Variants in ZAP70 observed in about 807,000 individuals in gnomAD.
ZAP70 encodes zeta chain of T cell receptor associated protein kinase 70, also known as tyrosine-protein kinase ZAP-70.
In ZAP70, 27 loss-of-function variants were observed where a neutral mutation model predicts 65.8. The observed-to-expected ratio is 0.41, with a 90% CI of 0.30 to 0.57. The LOEUF (loss-of-function observed/expected upper bound fraction) is 0.57, where lower values mean the gene tolerates loss of function less well. Ranked by LOEUF, ZAP70 falls within the 20% of genes least tolerant of loss-of-function variation. The probability of loss-of-function intolerance (pLI) is 0.28; values close to 1 mark genes in which losing one functional copy is unlikely to be tolerated. For missense variants in ZAP70, 696 were observed against 870.5 expected (o/e 0.80, Z 2.52); for synonymous variants, 363 against 360.8 (o/e 1.01, Z -0.07).
chr2:97,750,269 C>T, the ZAP70 span, among the ~76,000 whole-genome samples: 1 of 152,204 alleles, frequency 6.6e-6, no homozygotes, highest in Non-Finnish European at 1.5e-5. Context: ...CTTGTTGCTC[C>T]CTGCAGCAAG....
chr2:97,734,769 T>C, intron 9 of ZAP70, 57 bp downstream of exon 9: 1 of 1,600,068 alleles, frequency 6.2e-7, no homozygotes, highest in South Asian at 1.1e-5. Flanking sequence ...GGGGAGTGGC[T>C]TCACCGGGCT....
At position 97,739,545 on chromosome 2, in the gene ZAP70, T is replaced by TCAGCCCCACCCC; in HGVS notation, c.*48_*59dup. 6.3e-7 allele frequency: 1 copy of TCAGCCCCACCCC among 1,590,784 alleles called. No homozygotes were observed. Among genetic ancestry groups the TCAGCCCCACCCC allele is most frequent in the Non-Finnish European group, 8.6e-7 (1 of 1,168,970 alleles). Reference sequence around the variant, plus strand: ...CCTCCACGCCGGCTCTTCCCCACCCTCAGCCCCACCCCAGGTCCTGCAGTC... The same window carrying TCAGCCCCACCCC: ...CCTCCACGCCGGCTCTTCCCCACCCTCAGCCCCACCCCCAGCCCCACCCCAGGTCCTGCAGTC... On this transcript the variant is annotated 3_prime_UTR_variant, in exon 14 of 14. Coordinates refer to ENST00000264972, the MANE Select transcript of ZAP70 (RefSeq NM_001079.4).
chr2:97,721,543 A>G (rs1240844293), intron 2 of ZAP70, among the ~76,000 whole-genome samples: 1 of 144,040 alleles, frequency 6.9e-6, no homozygotes, highest in Non-Finnish European at 1.5e-5. Context: ...CCTCCCGAGT[A>G]GCTGGGACTA....
At position 97,725,242 on chromosome 2, in the gene ZAP70, G is replaced by C. The variant is rs1481187788; in HGVS notation, c.553G>C (p.Gly185Arg). Residue 185 changes from glycine (G) to arginine (R), a missense_variant, in exon 4 of 14, where the codon GGC becomes CGC. By Grantham distance (125) the Gly-to-Arg change is moderately radical (BLOSUM62 -2). This residue lies in a region of ZAP70 where 551 missense variants were observed against 630.0 expected (regional missense o/e 0.87). Transcript: ENST00000264972. ...ACTTTACTCTGGGGCGCAGACCGAC[G>C]GCAAGTTCCTGTATGTGGGGCCCGG... ...RKLYSGAQTD[G>R]KFLLRPRKEQ... The C allele has an allele frequency of 6.2e-7, 1 of 1,613,184 alleles. No individual in the cohort carries two copies. Among genetic ancestry groups the C allele is most frequent in the Non-Finnish European group, 8.5e-7 (1 of 1,179,316 alleles).
chr2:97,736,642 G>A lies in ZAP70; in HGVS notation c.1290-831G>A, dbSNP rs535325299. Among the ~76,000 whole-genome samples, 5 of 152,338 alleles carry A rather than the reference G, an allele frequency of 3.3e-5. No homozygotes were observed. Among genetic ancestry groups the A allele is most frequent in the African/African-American group, 1.2e-4 (5 of 41,576 alleles). On this transcript the variant is annotated intron_variant, in intron 10 of 13. Coordinates refer to ENST00000264972, the MANE Select transcript of ZAP70 (RefSeq NM_001079.4). The surrounding 1 kb of genome is among the most constrained non-coding windows in gnomAD (Gnocchi z 4.0). ...TCCAGGGGGTTGGGAGTGTTGGGGT[G>A]CGAGGTGCAGTGAGCAGGGAGGTTT...
intron 3 of ZAP70, chr2:97,724,730 G>A: frequency 6.6e-7 from 1 of 1,510,898 alleles, no homozygotes; most frequent in Non-Finnish European, 8.8e-7. Context: ...TTGGAATGGG[G>A]GCGGGGCTGA....
chr2:97,745,635 G>A, the ZAP70 span, among the ~76,000 whole-genome samples: 2 of 152,124 alleles, frequency 1.3e-5, no homozygotes, highest in African/African-American at 4.8e-5. Context: ...ACACCTCCTA[G>A]GATGGCCGTG....
chr2:97,739,494 C>G lies in ZAP70; in HGVS notation c.1856C>G (p.Ala619Gly). The G allele has an allele frequency of 1.2e-6, 2 of 1,612,416 alleles. No individual in the cohort carries two copies. Among genetic ancestry groups the G allele is most frequent in the South Asian group, 2.2e-5 (2 of 90,990 alleles). ...GSTQKAEAAC[A>G] ...ACACAGAAGGCTGAGGCTGCCTGTGCCTGAGCTCCCGCTGCCCAGGGGAGC... is the reference window on the plus strand; with the variant it reads ...ACACAGAAGGCTGAGGCTGCCTGTGGCTGAGCTCCCGCTGCCCAGGGGAGC... The change falls in exon 14 of 14, where the codon GCC becomes GGC. Residue 619 changes from alanine to glycine, a missense_variant. Around this residue, in one of 3 missense-constraint regions of ZAP70, gnomAD observed 78 missense variants for 88.6 expected, o/e 0.88. Coordinates refer to ENST00000264972, the MANE Select transcript of ZAP70 (RefSeq NM_001079.4).
chr2:97,726,179 G>T (rs948073721), intron 4 of ZAP70, among the ~76,000 whole-genome samples: 5 of 152,170 alleles, frequency 3.3e-5, no homozygotes, highest in Non-Finnish European at 5.9e-5. Context: ...GAACGTGCGT[G>T]TCTGAGCCAC....
intron 2 of ZAP70, among the ~76,000 whole-genome samples, chr2:97,716,683 G>T (rs539885377): frequency 5.3e-4 from 81 of 152,262 alleles, no homozygotes; most frequent in African/African-American, 1.9e-3. Context: ...CGAATAACAT[G>T]AGGAGGCCCG....
chr2:97,715,747 T>C lies in ZAP70; in HGVS notation c.-22+1753T>C, dbSNP rs559907204. Among the ~76,000 whole-genome samples the C allele has an allele frequency of 2.0e-5, 3 of 152,308 alleles. No homozygotes were observed. Among genetic ancestry groups the C allele is most frequent in the Non-Finnish European group, 4.4e-5 (3 of 68,018 alleles). On this transcript the variant is annotated intron_variant, in intron 2 of 13. Coordinates refer to ENST00000264972, the MANE Select transcript of ZAP70 (RefSeq NM_001079.4). This position sits in a 1 kb window ranked among gnomAD's most constrained non-coding sequence, Gnocchi z 4.1. ...TGACATTGACCTCTCCGAGCCTCAG[T>C]TTCTTTAGCTGAGGAGTGGGATAAC...
Position 97,732,991 on chromosome 2 carries a change from C to T in ZAP70, c.672C>T (p.Pro224=), listed in dbSNP as rs56340622. 1.9e-3 allele frequency: 2,987 copies of T among 1,614,134 alleles called. 49 individuals carry two copies. The African/African-American group carries it at 0.034, about 19-fold the overall frequency. ...ACAAGGCGGGCAAGTACTGCATTCC[C>T]GAGGGCACCAAGTTTGACACGCTCT... is the stretch of plus-strand genomic sequence containing the variant. ...SQDKAGKYCI[P]EGTKFDTLWQ... Residue 224 remains proline (P), a synonymous_variant, in exon 5 of 14, where the codon CCC becomes CCT. Coordinates refer to ENST00000264972, the MANE Select transcript of ZAP70 (RefSeq NM_001079.4).
the ZAP70 span, among the ~76,000 whole-genome samples, chr2:97,753,100 C>T: frequency 4.6e-5 from 7 of 152,124 alleles, no homozygotes. Flanking sequence ...TATTTAGAGC[C>T]TTAAAGGAAT....
At chr2:97,733,400 G>A in intron 7 of ZAP70, 57 bp downstream of exon 7, 1 of 1,589,574 alleles carries the variant, frequency 6.3e-7, no homozygotes, top group South Asian at 1.1e-5. Context: ...AGTGGCTGTG[G>A]GGGAGGCTGG....
intron 2 of ZAP70, among the ~76,000 whole-genome samples, chr2:97,723,668 C>T (rs1311276024): frequency 6.6e-6 from 1 of 152,248 alleles, no homozygotes; most frequent in Non-Finnish European, 1.5e-5. Context: ...GCGCCTGCCT[C>T]AAGCGTGCAT....
rs200926585 is a variant in ZAP70 at position 97,739,510 on chromosome 2, C to G, written c.*12C>G. ...CTGCCTGTGCCTGAGCTCCCGCTGC[C>G]CAGGGGAGCCCTCCACGCCGGCTCT... On this transcript the variant is annotated 3_prime_UTR_variant, in exon 14 of 14. Coordinates refer to ENST00000264972, the MANE Select transcript of ZAP70 (RefSeq NM_001079.4). 1.7e-5 allele frequency: 28 copies of G among 1,610,798 alleles called. No individual in the cohort carries two copies. The highest frequency in any genetic ancestry group is 8.4e-5 in the Admixed American group (5 of 59,876).
chr2:97,721,580 A>AT (rs796509420), intron 2 of ZAP70, among the ~76,000 whole-genome samples: 24,254 of 81,316 alleles, frequency 0.3, 4,584 homozygotes, highest in Non-Finnish European at 0.41. Context: ...TGGCTGGCTG[A>AT]TTTTTTTTTT....
chr2:97,742,008 T>C (rs995667492), downstream of ZAP70, among the ~76,000 whole-genome samples: 3 of 152,162 alleles, frequency 2.0e-5, no homozygotes, highest in African/African-American at 4.8e-5. Context: ...TGACATTTGG[T>C]TGGGGACCGT....
At chr2:97,728,775 CAG>C (rs1405007692) in intron 4 of ZAP70, among the ~76,000 whole-genome samples, 1 of 152,170 alleles carries the variant, frequency 6.6e-6, no homozygotes, top group Non-Finnish European at 1.5e-5. Context: ...TTTTTTGAGA[CAG>C]AGTCTTGCTC....
Sources: allele counts gnomAD v4.1 joint callset (sites outside exome capture counted in the v4.1 genomes callset), GRCh38; gene constraint gnomAD v4.1.1; regional missense constraint gnomAD v4.1.1; non-coding constraint Gnocchi (gnomAD v3.1); transcripts MANE v1.5; gene names NCBI Gene and HGNC (gene_info 2026-07-23, HGNC 2026-07-21).